Variants in KDM2B observed in about 807,000 individuals in gnomAD.
KDM2B encodes the protein lysine-specific demethylase 2B.
In KDM2B, 26 loss-of-function variants were observed where a neutral mutation model predicts 150.0. That is an observed-to-expected ratio of 0.17 (90% CI 0.13 to 0.24). The LOEUF is 0.24. Among genes scored for constraint, KDM2B ranks in the 10% least tolerant of loss-of-function variants. The pLI is 1.00. For synonymous variants in KDM2B, 734 were observed against 729.5 expected, an observed-to-expected ratio of 1.01 and a Z score of -0.10; for missense variants, 1,265 against 1,816.9, an observed-to-expected ratio of 0.70 and a Z score of 5.52.
At chr12:121,572,366 A>T (rs1172823129) in intron 4 of KDM2B, among the ~76,000 whole-genome samples, 1 of 152,156 alleles carries the variant, frequency 6.6e-6, no homozygotes, top group African/African-American at 2.4e-5. Flanking sequence ...CTCACATCCC[A>T]GCTCCGTGGC....
chr12:121,567,337 G>C (rs1328424368), intron 4 of KDM2B, among the ~76,000 whole-genome samples: 1 of 152,224 alleles, frequency 6.6e-6, no homozygotes, highest in East Asian at 1.9e-4. Flanking sequence ...TTTGGAGATA[G>C]GGTCTTTAAA....
intron 4 of KDM2B, among the ~76,000 whole-genome samples, chr12:121,566,665 C>T (rs1313949728): frequency 6.6e-6 from 1 of 150,784 alleles, no homozygotes; most frequent in Non-Finnish European, 1.5e-5. Context: ...GCATGGTGGC[C>T]GGCACCTGTA....
At position 121,553,085 on chromosome 12, in the gene KDM2B, C is replaced by T. The variant is rs181235394; in HGVS notation, c.398-3447G>A. On this transcript the variant is annotated intron_variant, in intron 4 of 22. Transcript: ENST00000377071. ...GAGAATACTAAAAATACAAAAAATC[C>T]GCCGGGTGTGGTGGCGGGCGCCTGT... Among the ~76,000 whole-genome samples, 59 of 151,722 alleles carry T rather than the reference C, an allele frequency of 3.9e-4. No homozygotes were observed. In the East Asian group the frequency reaches 0.01, roughly 27 times the overall value.
chr12:121,504,927 T>C (rs533251975), intron 11 of KDM2B, among the ~76,000 whole-genome samples: 101 of 152,070 alleles, frequency 6.6e-4, no homozygotes, highest in African/African-American at 2.3e-3. Flanking sequence ...CCATCCTAGC[T>C]AACATGGTGA....
chr12:121,427,815 T>TAACTA (rs1872586850), downstream of KDM2B, among the ~76,000 whole-genome samples: 1 of 152,080 alleles, frequency 6.6e-6, no homozygotes. Context: ...CTACTTCCCT[T>TAACTA]AACTAGTCCC....
chr12:121,502,529 G>A (rs1043282969), intron 11 of KDM2B, among the ~76,000 whole-genome samples: 1 of 152,002 alleles, frequency 6.6e-6, no homozygotes, highest in Non-Finnish European at 1.5e-5. Flanking sequence ...GCTGAGGCAG[G>A]AGAATCACTT....
chr12:121,568,094 A>G (rs1890837827), intron 4 of KDM2B, among the ~76,000 whole-genome samples: 1 of 152,134 alleles, frequency 6.6e-6, no homozygotes, highest in Admixed American at 6.6e-5. Context: ...CAAGCAAACG[A>G]ATACACCTGA....
Position 121,494,773 on chromosome 12 carries a change from G to A in KDM2B, c.1648-108C>T, listed in dbSNP as rs74417208. The A allele has an allele frequency of 5.4e-3, 4,223 of 775,880 alleles. 112 individuals carry two copies. In the African/African-American group the frequency reaches 0.064, roughly 12 times the overall value. 48.1% of individuals were successfully genotyped at this position (775,880 alleles called of 1,614,324 possible). On this transcript the variant is annotated intron_variant, in intron 11 of 22. Transcript: ENST00000377071. ...AAGGATCACACTCCACAAAGTCAGCGCCTGGCCATTGACTCCACCACCACC... is the reference window on the plus strand; with the variant it reads ...AAGGATCACACTCCACAAAGTCAGCACCTGGCCATTGACTCCACCACCACC...
chr12:121,470,170 A>C (rs1238564891), intron 12 of KDM2B: 1 of 152,034 alleles, frequency 6.6e-6, no homozygotes, highest in Non-Finnish European at 1.5e-5. Context: ...TCCCATTACC[A>C]ATCAGGAGCA....
intron 11 of KDM2B, among the ~76,000 whole-genome samples, chr12:121,501,659 C>T (rs782243561): frequency 1.3e-5 from 2 of 152,040 alleles, no homozygotes; most frequent in Non-Finnish European, 2.9e-5. Flanking sequence ...CTTGCTCTGT[C>T]GCCCAGGCTG....
At chr12:121,530,941 C>T (rs1555307717) in intron 8 of KDM2B, among the ~76,000 whole-genome samples, 1 of 152,020 alleles carries the variant, frequency 6.6e-6, no homozygotes, top group Non-Finnish European at 1.5e-5. Flanking sequence ...TCCACCCCAC[C>T]ACCATTGTAG....
At chr12:121,482,148 T>G (rs1009052572) in intron 12 of KDM2B, among the ~76,000 whole-genome samples, 4 of 152,146 alleles carry the variant, frequency 2.6e-5, no homozygotes, top group Admixed American at 6.6e-5. Context: ...CCTTGGCCAC[T>G]GACTTTAATT....
At position 121,429,656 on chromosome 12, in the gene KDM2B, T is replaced by TAGATC; in HGVS notation, c.*627_*631dup. The TAGATC allele has an allele frequency of 3.8e-6, 1 of 262,142 alleles. No individual in the cohort carries two copies. The highest frequency in any genetic ancestry group is 7.3e-6 in the Non-Finnish European group (1 of 137,702). 16.2% of individuals were successfully genotyped at this position (262,142 alleles called of 1,614,324 possible). On this transcript the variant is annotated 3_prime_UTR_variant, in exon 23 of 23. Coordinates refer to ENST00000377071, the MANE Select transcript of KDM2B (RefSeq NM_032590.5). Reference sequence around the variant, plus strand: ...AGTGGAAGGTCTTAGCCTACTTTGTTAGATCTGGGCACATTTGTAGATGGG... The same window carrying TAGATC: ...AGTGGAAGGTCTTAGCCTACTTTGTTAGATCAGATCTGGGCACATTTGTAGATGGG...
At position 121,453,013 on chromosome 12, in the gene KDM2B, G is replaced by A. The variant is rs1209599886; in HGVS notation, c.1959+107C>T. On this transcript the variant is annotated intron_variant, in intron 13 of 22. Transcript: ENST00000377071. The surrounding 1 kb of genome is among the most constrained non-coding windows in gnomAD (Gnocchi z 6.4). Reference sequence around the variant, plus strand: ...GAGCTCTCGGGGAGTCCACAGCCCCGGCTTCTCTGTGTGCGGAGGGGCGGC... The same window carrying A: ...GAGCTCTCGGGGAGTCCACAGCCCCAGCTTCTCTGTGTGCGGAGGGGCGGC... 3.8e-6 allele frequency: 4 copies of A among 1,047,688 alleles called. No individual in the cohort carries two copies. In the East Asian group the frequency reaches 8.1e-5, roughly 21 times the overall value. 64.9% of individuals were successfully genotyped at this position (1,047,688 alleles called of 1,614,324 possible). A position where few individuals can be genotyped will look rare whatever the true frequency, so the allele number is the denominator to read the frequency against.
Position 121,513,982 on chromosome 12 carries a change from G to C in KDM2B, c.1048-580C>G, listed in dbSNP as rs782700005. Among the ~76,000 whole-genome samples the C allele has an allele frequency of 2.0e-5, 3 of 152,154 alleles. No individual in the cohort carries two copies. The highest frequency in any genetic ancestry group is 2.9e-5 in the Non-Finnish European group (2 of 68,020). ...CTACCTCCAGGGGTGGGGCCTTGAA[G>C]GGGTCCATCTCCTGCTCCTCCCCAC... On this transcript the variant is annotated intron_variant, in intron 9 of 22. Coordinates refer to ENST00000377071, the MANE Select transcript of KDM2B (RefSeq NM_032590.5). The surrounding 1 kb of genome is among the most constrained non-coding windows in gnomAD (Gnocchi z 5.0).
At chr12:121,412,396 C>T in the KDM2B span, among the ~76,000 whole-genome samples, 146 of 151,894 alleles carry the variant, frequency 9.6e-4, 1 homozygote, top group African/African-American at 3.4e-3. Context: ...CCCGCCACCA[C>T]GCCAGGCTAA....
At position 121,440,026 on chromosome 12, in the gene KDM2B, C is replaced by A. The variant is rs781820773; in HGVS notation, c.3660G>T (p.Leu1220=). 8.1e-6 allele frequency: 13 copies of A among 1,613,670 alleles called. No homozygotes were observed. Among genetic ancestry groups the A allele is most frequent in the Non-Finnish European group, 1.1e-5 (13 of 1,179,902 alleles). ...AGGCATCTGTGATGTCCAGGCCTGC[C>A]AGGCGCAGCTCCACGATGTTCCGGA... ...SKLRNIVELR[L]AGLDITDASL... The change falls in exon 22 of 23, where the codon CTG becomes CTT. Residue 1220 remains leucine, a synonymous_variant. Transcript: ENST00000377071.
intron 9 of KDM2B, among the ~76,000 whole-genome samples, chr12:121,515,604 C>T (rs749238501): frequency 8.8e-5 from 13 of 147,798 alleles, no homozygotes; most frequent in Non-Finnish European, 1.8e-4. Flanking sequence ...GGGACAAAGA[C>T]AACTAGAAGC....
At chr12:121,548,282 T>TA (rs1204198226) in intron 6 of KDM2B, among the ~76,000 whole-genome samples, 1 of 151,934 alleles carries the variant, frequency 6.6e-6, no homozygotes, top group East Asian at 1.9e-4. Context: ...AAAATAAAAA[T>TA]AAAAAAATAA....
Sources: allele counts gnomAD v4.1 joint callset (sites outside exome capture counted in the v4.1 genomes callset), GRCh38; gene constraint gnomAD v4.1.1; non-coding constraint Gnocchi (gnomAD v3.1); transcripts MANE v1.5; gene names NCBI Gene and HGNC (gene_info 2026-07-23, HGNC 2026-07-21).